The following ZRANB3 variants were observed in gnomAD, a reference collection of about 807,000 sequenced individuals.
The protein encoded by ZRANB3 is DNA annealing helicase and endonuclease ZRANB3.
ZRANB3 carries 125 observed loss-of-function variants against 133.8 expected under a neutral mutation model. That is an observed-to-expected ratio of 0.93 (90% CI 0.81 to 1.08). ZRANB3 has a LOEUF of 1.08. Ranked by LOEUF, ZRANB3 falls within the 50% of genes least tolerant of loss-of-function variation. The pLI, the probability that ZRANB3 is intolerant of heterozygous loss-of-function variation, is 0.00. For missense variants in ZRANB3, 1,229 were observed against 1,275.5 expected (o/e 0.96, Z 0.56); for synonymous variants, 387 against 432.7 (o/e 0.89, Z 1.31).
intron 19 of ZRANB3, 130 bp from the exon 20 acceptor site, chr2:135,203,093 A>G (rs1039812886): frequency 2.8e-6 from 3 of 1,085,644 alleles, no homozygotes; most frequent in Admixed American, 2.4e-5. Flanking sequence ...AGAGCTTTTT[A>G]TAGCTTTTAT....
In ZRANB3 at chr2:135,435,198, T is replaced by C. The variant is rs546541534; in HGVS notation, c.162-44378A>G. ...GATTGTTTCCCCTTCTTTGTGTTTATAAGTTCTTATCATTTCGCTCCCGCT... is the reference window on the plus strand; with the variant it reads ...GATTGTTTCCCCTTCTTTGTGTTTACAAGTTCTTATCATTTCGCTCCCGCT... On this transcript the variant is annotated intron_variant, in intron 2 of 20. Coordinates refer to ENST00000264159, the MANE Select transcript of ZRANB3 (RefSeq NM_032143.4). 5.3e-5 allele frequency among the ~76,000 whole-genome samples: 8 copies of C among 152,264 alleles called. No individual in the cohort carries two copies. The South Asian group carries it at 1.0e-3, about 20-fold the overall frequency.
chr2:135,370,959 CT>C (rs1686151807), intron 3 of ZRANB3, among the ~76,000 whole-genome samples: 1 of 152,182 alleles, frequency 6.6e-6, no homozygotes, highest in South Asian at 2.1e-4. Flanking sequence ...TCTCTCTCTC[CT>C]GCCACCCTGT....
intron 8 of ZRANB3, among the ~76,000 whole-genome samples, chr2:135,276,484 G>A (rs1411332426): frequency 2.6e-5 from 4 of 152,170 alleles, no homozygotes; most frequent in Non-Finnish European, 5.9e-5. Flanking sequence ...CAGGTAACTT[G>A]AGGCCAAGTT....
chr2:135,521,358 T>C (rs754117925), intron 1 of ZRANB3, among the ~76,000 whole-genome samples: 41 of 151,948 alleles, frequency 2.7e-4, no homozygotes, highest in Admixed American at 1.3e-4. Flanking sequence ...ACCAGCCTCA[T>C]CAACATGGTG....
intron 17 of ZRANB3, among the ~76,000 whole-genome samples, chr2:135,216,519 A>ACCTCTCAGTTCACCTC (rs1432373670): frequency 6.6e-6 from 1 of 152,034 alleles, no homozygotes; most frequent in East Asian, 1.9e-4. Flanking sequence ...AGTTCACTGC[A>ACCTCTCAGTTCACCTC]GCCTCAACCT....
chr2:135,386,161 T>C (rs1360763156), intron 3 of ZRANB3, among the ~76,000 whole-genome samples: 7 of 151,316 alleles, frequency 4.6e-5, no homozygotes, highest in African/African-American at 7.3e-5. Context: ...AACAAACAAC[T>C]CCATCAAAAA....
chr2:135,277,423 T>C (rs1680882740), intron 8 of ZRANB3, among the ~76,000 whole-genome samples: 1 of 152,166 alleles, frequency 6.6e-6, no homozygotes, highest in African/African-American at 2.4e-5. Flanking sequence ...CAATAGATAT[T>C]TGTAGAAAGC....
At chr2:135,279,389 T>G (rs1342489871) in intron 8 of ZRANB3, among the ~76,000 whole-genome samples, 1 of 152,172 alleles carries the variant, frequency 6.6e-6, no homozygotes, top group African/African-American at 2.4e-5. Flanking sequence ...TTCAGTGCCT[T>G]GGAAAGTGGA....
chr2:135,412,097 T>C (rs1448903114), intron 2 of ZRANB3, among the ~76,000 whole-genome samples: 2 of 152,180 alleles, frequency 1.3e-5, no homozygotes, highest in Admixed American at 1.3e-4. Flanking sequence ...TAATGTGTAT[T>C]TGATGGCTAC....
At chr2:135,344,674 T>C (rs1573946967) in intron 6 of ZRANB3, among the ~76,000 whole-genome samples, 1 of 151,940 alleles carries the variant, frequency 6.6e-6, no homozygotes, top group South Asian at 2.1e-4. Context: ...GAAGCGGAGG[T>C]TGCAGTGAGC....
chr2:135,524,121 T>C lies in ZRANB3; in HGVS notation c.-8+7006A>G, dbSNP rs997184693. ...TTTTTTTTGAGAAAGAGTTTCGCTC[T>C]TGTTGCCCAGGCTGGAGTGCAATGG... On this transcript the variant is annotated intron_variant, in intron 1 of 20. Coordinates refer to ENST00000264159, the MANE Select transcript of ZRANB3 (RefSeq NM_032143.4). 1.3e-5 allele frequency among the ~76,000 whole-genome samples: 2 copies of C among 152,156 alleles called. 1 individual carries two copies. Among genetic ancestry groups the C allele is most frequent in the Non-Finnish European group, 2.9e-5 (2 of 68,024 alleles).
At chr2:135,439,197 A>C (rs1208159711) in intron 2 of ZRANB3, among the ~76,000 whole-genome samples, 1 of 152,208 alleles carries the variant, frequency 6.6e-6, no homozygotes, top group Non-Finnish European at 1.5e-5. Flanking sequence ...AGGAAACTAC[A>C]TTTGTTAAAG....
At chr2:135,344,593 C>T (rs912911707) in intron 6 of ZRANB3, among the ~76,000 whole-genome samples, 1 of 151,976 alleles carries the variant, frequency 6.6e-6, no homozygotes, top group African/African-American at 2.4e-5. Flanking sequence ...AAAAATTAGC[C>T]GGGCATGGTT....
intron 2 of ZRANB3, among the ~76,000 whole-genome samples, chr2:135,476,082 G>GA (rs954552963): frequency 2.7e-5 from 4 of 150,062 alleles, no homozygotes; most frequent in African/African-American, 7.3e-5. Context: ...CATCTCAAAA[G>GA]AAAAAAAAGA....
At chr2:135,235,339 G>T (rs1695237634) in intron 12 of ZRANB3, among the ~76,000 whole-genome samples, 1 of 152,280 alleles carries the variant, frequency 6.6e-6, no homozygotes, top group East Asian at 1.9e-4. Context: ...TGGATTCACA[G>T]CCAAATTCTA....
chr2:135,264,463 T>A, intron 12 of ZRANB3, among the ~76,000 whole-genome samples: 1 of 135,578 alleles, frequency 7.4e-6, no homozygotes, highest in Middle Eastern at 4.3e-3. Context: ...AGTGCAAGAC[T>A]CTGTCTCAAA....
chr2:135,403,823 C>T (rs1687864612), intron 2 of ZRANB3, among the ~76,000 whole-genome samples: 2 of 152,236 alleles, frequency 1.3e-5, no homozygotes, highest in South Asian at 4.1e-4. Context: ...GCCTCCGCTG[C>T]TGATGCCCAG....
intron 12 of ZRANB3, among the ~76,000 whole-genome samples, chr2:135,255,971 T>C (rs899837005): frequency 1.3e-5 from 2 of 150,054 alleles, no homozygotes; most frequent in African/African-American, 2.5e-5. Context: ...TGGAGTGCAG[T>C]GGAGAAATCA....
intron 9 of ZRANB3, among the ~76,000 whole-genome samples, chr2:135,273,837 T>C (rs1680656929): frequency 6.6e-6 from 1 of 152,188 alleles, no homozygotes; most frequent in African/African-American, 2.4e-5. Context: ...GCACCTGGCC[T>C]ATATCTACAT....
Sources: allele counts gnomAD v4.1 joint callset (sites outside exome capture counted in the v4.1 genomes callset), GRCh38; gene constraint gnomAD v4.1.1; transcripts MANE v1.5; gene names NCBI Gene and HGNC (gene_info 2026-07-23, HGNC 2026-07-21).